The following ELOVL2 variants were observed in gnomAD, a reference collection of about 807,000 sequenced individuals.
The protein encoded by ELOVL2 is very long chain fatty acid elongase 2.
Under a neutral mutation model 37.7 loss-of-function variants are expected in ELOVL2, and 38 were observed. The observed-to-expected ratio is 1.01, with a 90% CI of 0.78 to 1.32. ELOVL2 has a LOEUF of 1.32. Ranked by LOEUF, ELOVL2 falls within the 40% of genes most tolerant of loss-of-function variation. The probability of loss-of-function intolerance (pLI) is 0.00; values close to 1 mark genes in which losing one functional copy is unlikely to be tolerated. For synonymous variants in ELOVL2, 115 were observed against 122.3 expected (o/e 0.94, Z 0.40); for missense variants, 352 against 363.6 (o/e 0.97, Z 0.26).
intron 1 of ELOVL2, among the ~76,000 whole-genome samples, chr6:11,024,135 G>A (rs1782807479): frequency 6.6e-6 from 1 of 152,186 alleles, no homozygotes; most frequent in African/African-American, 2.4e-5. Flanking sequence ...TACAGATGAC[G>A]AGAGGCAAAA....
At chr6:11,006,967 A>AT (rs1782492886) in intron 2 of ELOVL2, among the ~76,000 whole-genome samples, 2 of 152,132 alleles carry the variant, frequency 1.3e-5, no homozygotes, top group Non-Finnish European at 2.9e-5. Flanking sequence ...AATTATTATC[A>AT]TTTTCTAATT....
chr6:10,996,786 G>C (rs138778997), intron 4 of ELOVL2, among the ~76,000 whole-genome samples: 10 of 152,172 alleles, frequency 6.6e-5, no homozygotes, highest in African/African-American at 2.2e-4. Context: ...GAGGCAGGTG[G>C]ATCACCTGAG....
chr6:11,011,126 A>G (rs1197861303), intron 1 of ELOVL2, among the ~76,000 whole-genome samples: 1 of 152,130 alleles, frequency 6.6e-6, no homozygotes, highest in Non-Finnish European at 1.5e-5. Flanking sequence ...GCACTTTGGG[A>G]GGCTGAGGCA....
chr6:11,020,737 G>A (rs906300475), intron 1 of ELOVL2, among the ~76,000 whole-genome samples: 3 of 152,176 alleles, frequency 2.0e-5, no homozygotes, highest in Non-Finnish European at 4.4e-5. Context: ...ATTGCCATGT[G>A]TTAACAGTAA....
At chr6:11,036,940 TGGAGAGGAGAGAGAGAA>T (rs1184504508) in intron 1 of ELOVL2, among the ~76,000 whole-genome samples, 1 of 147,664 alleles carries the variant, frequency 6.8e-6, no homozygotes, top group African/African-American at 2.5e-5. Flanking sequence ...GGGAGAGAGA[TGGAGAGGAGAGAGAGAA>T]GGAGAGGGGA....
Position 10,980,845 on chromosome 6 carries a change from C to T in ELOVL2, c.*2936G>A, listed in dbSNP as rs1781921398. 6.6e-6 allele frequency: 1 copy of T among 152,594 alleles called. No homozygotes were observed. The highest frequency in any genetic ancestry group is 2.1e-4 in the South Asian group (1 of 4,822). The allele number at this position is 152,594 out of a possible 1,614,324, so 9.5% of individuals were successfully genotyped here. A position where few individuals can be genotyped will look rare whatever the true frequency, so the allele number is the denominator to read the frequency against. ...GAAATGGCTTCTGCAGCCTCCCTGT[C>T]TACTCCATTCATGATACTATGTTCT... is the stretch of plus-strand genomic sequence containing the variant. On this transcript the variant is annotated 3_prime_UTR_variant, in exon 8 of 8. Coordinates refer to ENST00000354666, the MANE Select transcript of ELOVL2 (RefSeq NM_017770.4).
rs74986945 is a variant in ELOVL2, at chr6:11,032,578, A to G, written c.3+11650T>C. 9.1e-3 allele frequency among the ~76,000 whole-genome samples: 1,380 copies of G among 152,338 alleles called. 20 individuals carry two copies. Among genetic ancestry groups the G allele is most frequent in the African/African-American group, 0.021 (887 of 41,586 alleles). ...TGCATGAATCTGCATCCGTGGATTC[A>G]GCCAATCACTTACTAGTTTATGACT... On this transcript the variant is annotated intron_variant, in intron 1 of 7. Coordinates refer to ENST00000354666, the MANE Select transcript of ELOVL2 (RefSeq NM_017770.4).
intron 1 of ELOVL2, among the ~76,000 whole-genome samples, chr6:11,018,215 T>C (rs983138405): frequency 1.3e-5 from 2 of 152,224 alleles, no homozygotes; most frequent in African/African-American, 4.8e-5. Flanking sequence ...CTATGATACA[T>C]TACGGGATCT....
At chr6:11,036,257 A>G (rs1581883322) in intron 1 of ELOVL2, among the ~76,000 whole-genome samples, 1 of 152,232 alleles carries the variant, frequency 6.6e-6, no homozygotes, top group East Asian at 1.9e-4. Flanking sequence ...CAGTGGCAGG[A>G]CTTTAAAAGC....
rs936857446 is a variant in ELOVL2 at position 10,983,468 on chromosome 6, G to A, written c.*313C>T. 13 of 192,864 alleles carry A rather than the reference G, an allele frequency of 6.7e-5. No homozygotes were observed. Among genetic ancestry groups the A allele is most frequent in the Non-Finnish European group, 4.2e-5 (4 of 94,814 alleles). 11.9% of individuals were successfully genotyped at this position (192,864 alleles called of 1,614,324 possible). ...CTCTCTGTGAGAAACAATGCTCCAC[G>A]TTTCCTGGCTGTGTATGCGTATAAG... On this transcript the variant is annotated 3_prime_UTR_variant, in exon 8 of 8. Coordinates refer to ENST00000354666, the MANE Select transcript of ELOVL2 (RefSeq NM_017770.4).
At chr6:10,993,341 T>C (rs1270074654) in intron 5 of ELOVL2, among the ~76,000 whole-genome samples, 1 of 152,226 alleles carries the variant, frequency 6.6e-6, no homozygotes, top group Non-Finnish European at 1.5e-5. Context: ...TCTCTTTTCC[T>C]ACAAGGAGGT....
intron 2 of ELOVL2, among the ~76,000 whole-genome samples, chr6:11,007,425 G>A (rs1293036010): frequency 6.6e-6 from 1 of 152,150 alleles, no homozygotes; most frequent in African/African-American, 2.4e-5. Context: ...ATGTGAAGAG[G>A]GAGGCAGAGA....
intron 2 of ELOVL2, among the ~76,000 whole-genome samples, chr6:11,008,349 G>A (rs768848432): frequency 6.6e-6 from 1 of 152,134 alleles, no homozygotes; most frequent in South Asian, 2.1e-4. Context: ...TCCAGATCAC[G>A]CCAATCTTAC....
chr6:10,997,846 T>C (rs1319422756), intron 4 of ELOVL2, among the ~76,000 whole-genome samples: 3 of 152,226 alleles, frequency 2.0e-5, no homozygotes, highest in Non-Finnish European at 4.4e-5. Context: ...GAAGTTTCTA[T>C]TCAATTTTCA....
chr6:10,996,779 G>A (rs996349596), intron 4 of ELOVL2, among the ~76,000 whole-genome samples: 31 of 152,308 alleles, frequency 2.0e-4, no homozygotes, highest in African/African-American at 6.3e-4. Context: ...GGAGGCCGAG[G>A]CAGGTGGATC....
chr6:10,990,259 T>G, intron 6 of ELOVL2, 59 bp downstream of exon 6: 1 of 1,578,714 alleles, frequency 6.3e-7, no homozygotes, highest in Non-Finnish European at 8.6e-7. Flanking sequence ...CTAAGATTTC[T>G]ATTTCCTTTC....
intron 1 of ELOVL2, among the ~76,000 whole-genome samples, chr6:11,016,440 C>CT (rs1282050569): frequency 2.0e-5 from 3 of 152,136 alleles, no homozygotes; most frequent in Non-Finnish European, 4.4e-5. Flanking sequence ...TTTGTCTTTT[C>CT]TTTTTTTAAC....
chr6:11,026,412 G>A (rs185798309), intron 1 of ELOVL2, among the ~76,000 whole-genome samples: 82 of 152,150 alleles, frequency 5.4e-4, no homozygotes, highest in Non-Finnish European at 1.0e-3. Context: ...CGTTTGGGTC[G>A]GGCTGTGCTA....
chr6:11,003,846 C>T (rs1373313175), intron 3 of ELOVL2, among the ~76,000 whole-genome samples: 1 of 152,076 alleles, frequency 6.6e-6, no homozygotes, highest in East Asian at 1.9e-4. Flanking sequence ...CTCTGGGAGG[C>T]CGAGGCGGGT....
Sources: allele counts gnomAD v4.1 joint callset (sites outside exome capture counted in the v4.1 genomes callset), GRCh38; gene constraint gnomAD v4.1.1; transcripts MANE v1.5; gene names NCBI Gene and HGNC (gene_info 2026-07-23, HGNC 2026-07-21).